MYO9B: variants seen among roughly 807,000 people sequenced by gnomAD.
MYO9B encodes unconventional myosin-IXb.
A neutral mutation model predicts 229.5 loss-of-function variants in MYO9B; 71 were observed. The ratio of observed to expected loss-of-function variants is 0.31; its 90% CI spans 0.26 to 0.38. The LOEUF (loss-of-function observed/expected upper bound fraction) is 0.38, where lower values mean the gene tolerates loss of function less well. MYO9B is among the 10% of genes least tolerant of loss of function. MYO9B has a pLI of 1.00. For missense variants in MYO9B, 2,255 were observed against 2,920.5 expected (o/e 0.77, Z 5.25); for synonymous variants, 1,185 against 1,235.8 (o/e 0.96, Z 0.86).
intron 3 of MYO9B, among the ~76,000 whole-genome samples, chr19:17,148,111 T>C (rs1016056297): frequency 6.6e-6 from 1 of 152,210 alleles, no homozygotes; most frequent in African/African-American, 2.4e-5. Flanking sequence ...GGTCCATCTT[T>C]TGCACGATCC....
chr19:17,172,429 A>G lies in MYO9B; in HGVS notation c.1887A>G (p.Pro629=). The G allele has an allele frequency of 3.1e-6, 5 of 1,613,978 alleles. 1 individual carries two copies. In the South Asian group the frequency reaches 4.4e-5, roughly 14 times the overall value. ...KYFLGTPVME[P]AFIIQHFAGK... is the part of the protein sequence containing the mutation. Reference sequence around the variant, plus strand: ...TCCTGGGCACCCCGGTCATGGAGCCAGCTTTCATCATCCAGCACTTCGCAG... The same window carrying G: ...TCCTGGGCACCCCGGTCATGGAGCCGGCTTTCATCATCCAGCACTTCGCAG... Residue 629 remains proline (P), a synonymous_variant, in exon 12 of 40, where the codon CCA becomes CCG. Coordinates refer to ENST00000682292, the MANE Select transcript of MYO9B (RefSeq NM_004145.4). The surrounding 1 kb of genome is among the most constrained non-coding windows in gnomAD (Gnocchi z 8.2).
chr19:17,123,486 G>T (rs1389191315), intron 2 of MYO9B, among the ~76,000 whole-genome samples: 1 of 150,444 alleles, frequency 6.6e-6, no homozygotes, highest in African/African-American at 2.5e-5. Flanking sequence ...TGTCACCCAG[G>T]CTGGAGTGCG....
chr19:17,094,737 T>C (rs1600031652), intron 1 of MYO9B, among the ~76,000 whole-genome samples: 1 of 151,092 alleles, frequency 6.6e-6, no homozygotes, highest in African/African-American at 2.4e-5. Context: ...AGCCCAGGAG[T>C]TTGAGACCAG....
chr19:17,212,093 G>A lies in MYO9B; in HGVS notation c.6257G>A (p.Gly2086Asp). Residue 2086 changes from glycine to aspartate, a missense_variant, in exon 40 of 40, where the codon GGT (glycine) becomes GAT (aspartate). This residue lies in a region of MYO9B where 331 missense variants were observed against 332.5 expected (regional missense o/e 1.00). Transcript: ENST00000682292. The surrounding 1 kb of genome is among the most constrained non-coding windows in gnomAD (Gnocchi z 5.4). ...LPSHLPRWAPGAREAAAPVRR... is the reference protein window; with the variant it reads ...LPSHLPRWAPDAREAAAPVRR... Reference sequence around the variant, plus strand: ...TCCCACCTGCCTCGCTGGGCACCGGGTGCCCGGGAGGCGGCTGCCCCAGTG... The same window carrying A: ...TCCCACCTGCCTCGCTGGGCACCGGATGCCCGGGAGGCGGCTGCCCCAGTG... 1 of 1,591,526 alleles carries A rather than the reference G, an allele frequency of 6.3e-7. No homozygotes were observed. The highest frequency in any genetic ancestry group is 8.5e-7 in the Non-Finnish European group (1 of 1,171,280).
chr19:17,076,100 T>TTG (rs1555798696), intron 1 of MYO9B, among the ~76,000 whole-genome samples: 3 of 134,962 alleles, frequency 2.2e-5, no homozygotes, highest in South Asian at 2.5e-4. Context: ...TTCGAGGGCG[T>TTG]GGGGGGGGTG....
At chr19:17,086,752 C>T (rs557301785) in intron 1 of MYO9B, among the ~76,000 whole-genome samples, 278 of 152,214 alleles carry the variant, frequency 1.8e-3, no homozygotes, top group African/African-American at 6.3e-3. Flanking sequence ...TGGTGGCACA[C>T]GCCTGTTGTC....
At chr19:17,123,862 A>T (rs962382170) in intron 2 of MYO9B, among the ~76,000 whole-genome samples, 18 of 152,076 alleles carry the variant, frequency 1.2e-4, no homozygotes, top group African/African-American at 4.3e-4. Flanking sequence ...AAACCTCCTT[A>T]CACATACATG....
At chr19:17,090,825 T>C (rs559262216) in intron 1 of MYO9B, among the ~76,000 whole-genome samples, 1 of 152,264 alleles carries the variant, frequency 6.6e-6, no homozygotes, top group East Asian at 1.9e-4. Context: ...AGGTCGCCAC[T>C]TGGCTGAGCT....
intron 2 of MYO9B, among the ~76,000 whole-genome samples, chr19:17,134,126 A>G (rs906732457): frequency 1.3e-5 from 2 of 151,952 alleles, no homozygotes; most frequent in Non-Finnish European, 2.9e-5. Flanking sequence ...ACAGGGATAT[A>G]TTGGGTAATG....
At chr19:17,077,810 C>T (rs891938701) in intron 1 of MYO9B, among the ~76,000 whole-genome samples, 9 of 152,192 alleles carry the variant, frequency 5.9e-5, no homozygotes, top group Admixed American at 3.9e-4. Context: ...GTTTTCCATT[C>T]GACAGTTTGT....
At chr19:17,127,957 A>G (rs1448091821) in intron 2 of MYO9B, among the ~76,000 whole-genome samples, 1 of 152,200 alleles carries the variant, frequency 6.6e-6, no homozygotes, top group Non-Finnish European at 1.5e-5. Flanking sequence ...ACCTTACAGG[A>G]GAGAAATCTG....
rs963579821 is a variant in MYO9B, at chr19:17,172,105, G to A, written c.1794-231G>A. Among the ~76,000 whole-genome samples, 5 of 151,956 alleles carry A rather than the reference G, an allele frequency of 3.3e-5. No homozygotes were observed. Among genetic ancestry groups the A allele is most frequent in the African/African-American group, 4.8e-5 (2 of 41,350 alleles). ...CAGGCAGGCACACCCAGATAGCAGC[G>A]TCCCAGCCCTCTGCCAGCATGTTCG... On this transcript the variant is annotated intron_variant, in intron 11 of 39. Coordinates refer to ENST00000682292, the MANE Select transcript of MYO9B (RefSeq NM_004145.4). This position sits in a 1 kb window ranked among gnomAD's most constrained non-coding sequence, Gnocchi z 8.2.
chr19:17,089,974 G>A (rs2057621068), intron 1 of MYO9B, among the ~76,000 whole-genome samples: 1 of 152,040 alleles, frequency 6.6e-6, no homozygotes, highest in Admixed American at 6.6e-5. Context: ...CACTTTCTGT[G>A]TCTGTGGATT....
At chr19:17,117,199 G>A (rs940056361) in intron 2 of MYO9B, among the ~76,000 whole-genome samples, 1 of 152,210 alleles carries the variant, frequency 6.6e-6, no homozygotes, top group African/African-American at 2.4e-5. Flanking sequence ...AATGTTTGGG[G>A]CGGGAGTGTG....
In MYO9B at chr19:17,193,075, G is replaced by A. The variant is rs762967040; in HGVS notation, c.3128+13G>A. 63 of 1,434,736 alleles carry A rather than the reference G, an allele frequency of 4.4e-5. No individual in the cohort carries two copies. In the Admixed American group the frequency reaches 8.3e-4, roughly 19 times the overall value. 88.9% of individuals were successfully genotyped at this position (1,434,736 alleles called of 1,614,324 possible). A position where few individuals can be genotyped will look rare whatever the true frequency, so the allele number is the denominator to read the frequency against. On this transcript the variant is annotated intron_variant, in intron 21 of 39. Coordinates refer to ENST00000682292, the MANE Select transcript of MYO9B (RefSeq NM_004145.4). This position sits in a 1 kb window ranked among gnomAD's most constrained non-coding sequence, Gnocchi z 4.3. The stretch of plus-strand genomic sequence containing the variant: ...TGCAGCGCAAGAGGTGAGCAGAGCC[G>A]GGCCACGCTCCTCGGAATATTCCAG...
At chr19:17,086,550 T>C (rs2057585333) in intron 1 of MYO9B, among the ~76,000 whole-genome samples, 1 of 152,164 alleles carries the variant, frequency 6.6e-6, no homozygotes, top group South Asian at 2.1e-4. Context: ...CCACCTACCA[T>C]TTGCAGTATC....
At chr19:17,153,679 G>A (rs1202144803) in intron 4 of MYO9B, among the ~76,000 whole-genome samples, 1 of 147,162 alleles carries the variant, frequency 6.8e-6, no homozygotes, top group African/African-American at 2.5e-5. Context: ...CTGAGTAACA[G>A]AGCAAGACCG....
chr19:17,089,611 GT>G (rs1339609681), intron 1 of MYO9B, among the ~76,000 whole-genome samples: 2 of 151,804 alleles, frequency 1.3e-5, no homozygotes, highest in East Asian at 3.9e-4. Flanking sequence ...CCCAGGGCCT[GT>G]TTTTTTTCGT....
At chr19:17,127,360 C>T (rs11670224) in intron 2 of MYO9B, among the ~76,000 whole-genome samples, 104,486 of 147,388 alleles carry the variant, frequency 0.71, 36,902 homozygotes, top group African/African-American at 0.81. Context: ...GGAATCTTGC[C>T]CTGTCGCCCA....
Sources: allele counts gnomAD v4.1 joint callset (sites outside exome capture counted in the v4.1 genomes callset), GRCh38; gene constraint gnomAD v4.1.1; regional missense constraint gnomAD v4.1.1; non-coding constraint Gnocchi (gnomAD v3.1); transcripts MANE v1.5; gene names NCBI Gene and HGNC (gene_info 2026-07-23, HGNC 2026-07-21).